The following AFG1L variants were observed in gnomAD, a reference collection of about 807,000 sequenced individuals.
AFG1L encodes AFG1 like ATPase.
Under a neutral mutation model 62.2 loss-of-function variants are expected in AFG1L, and 53 were observed. The observed-to-expected ratio is 0.85, with a 90% confidence interval of 0.68 to 1.07. The LOEUF is 1.07. Ranked by LOEUF, AFG1L falls within the 50% of genes least tolerant of loss-of-function variation. AFG1L has a pLI of 0.00. For synonymous variants in AFG1L, 228 were observed against 210.3 expected (o/e 1.08, Z -0.73); for missense variants, 555 against 590.5 (o/e 0.94, Z 0.62).
At chr6:108,449,246 G>A (rs1361921477) in intron 8 of AFG1L, among the ~76,000 whole-genome samples, 1 of 150,758 alleles carries the variant, frequency 6.6e-6, no homozygotes, top group Non-Finnish European at 1.5e-5. Context: ...TATATAGATA[G>A]ATAGATGTCT....
intron 2 of AFG1L, among the ~76,000 whole-genome samples, chr6:108,325,992 G>C (rs1470201056): frequency 6.6e-6 from 1 of 151,852 alleles, no homozygotes; most frequent in Non-Finnish European, 1.5e-5. Flanking sequence ...GGCCGGGCTT[G>C]TCTTGAACTC....
At chr6:108,466,884 T>A (rs987504594) in intron 8 of AFG1L, among the ~76,000 whole-genome samples, 2 of 151,518 alleles carry the variant, frequency 1.3e-5, no homozygotes, top group Non-Finnish European at 2.9e-5. Context: ...ACCGGTAAAA[T>A]GATAATAAAT....
At chr6:108,389,810 A>G (rs1780965721) in intron 6 of AFG1L, among the ~76,000 whole-genome samples, 1 of 151,766 alleles carries the variant, frequency 6.6e-6, no homozygotes, top group Admixed American at 6.6e-5. Flanking sequence ...TGCCTTTAAC[A>G]TTTTTTCCTT....
intron 6 of AFG1L, among the ~76,000 whole-genome samples, chr6:108,400,589 T>C (rs1781525828): frequency 7.3e-6 from 1 of 136,156 alleles, no homozygotes; most frequent in Admixed American, 8.2e-5. Flanking sequence ...TATTATAATA[T>C]ATAATTTATA....
At chr6:108,431,125 C>T (rs971009587) in intron 7 of AFG1L, among the ~76,000 whole-genome samples, 26 of 142,478 alleles carry the variant, frequency 1.8e-4, no homozygotes, top group Admixed American at 1.6e-3. Context: ...TTTTTGGAGG[C>T]GAAGTCTTGC....
intron 11 of AFG1L, among the ~76,000 whole-genome samples, chr6:108,512,806 A>G (rs991691075): frequency 1.3e-5 from 2 of 152,184 alleles, no homozygotes; most frequent in Non-Finnish European, 2.9e-5. Flanking sequence ...ACACATTTAG[A>G]GATTATACTT....
chr6:108,522,371 C>T lies in AFG1L; in HGVS notation c.1392C>T (p.Leu464=). 1 of 1,614,042 alleles carries T rather than the reference C, an allele frequency of 6.2e-7. No homozygotes were observed. The highest frequency in any genetic ancestry group is 1.1e-5 in the South Asian group (1 of 91,080). Residue 464 remains leucine, a synonymous_variant, in exon 13 of 13, where the codon CTC becomes CTT. Transcript: ENST00000368977. ...CATTTCAGCGCACAATTTCCCGACT[C>T]ACGGAAATGCAGACTGAACAGTACT... The part of the protein sequence containing the change: ...IFAFQRTISR[L]TEMQTEQYWN...
At chr6:108,461,201 A>G (rs1186282883) in intron 8 of AFG1L, among the ~76,000 whole-genome samples, 1 of 152,120 alleles carries the variant, frequency 6.6e-6, no homozygotes, top group Non-Finnish European at 1.5e-5. Flanking sequence ...TATGTTTTTG[A>G]TAAGTAGCTG....
At chr6:108,381,353 CT>C (rs74626961) in intron 6 of AFG1L, among the ~76,000 whole-genome samples, 3,431 of 142,594 alleles carry the variant, frequency 0.024, 112 homozygotes, top group African/African-American at 0.077. Context: ...TTTTACTTTT[CT>C]TTTTTTTTTT....
At chr6:108,443,066 A>C (rs1194336151) in intron 7 of AFG1L, among the ~76,000 whole-genome samples, 11 of 152,206 alleles carry the variant, frequency 7.2e-5, no homozygotes, top group Admixed American at 7.2e-4. Flanking sequence ...CTTGCTGCAT[A>C]ACAAATTACT....
At chr6:108,397,723 T>C (rs915512581) in intron 6 of AFG1L, among the ~76,000 whole-genome samples, 1 of 152,238 alleles carries the variant, frequency 6.6e-6, no homozygotes, top group African/African-American at 2.4e-5. Context: ...TTTGTCTTTC[T>C]GTGCCTGGCT....
At chr6:108,417,287 C>CAAAAAA (rs58714925) in intron 7 of AFG1L, among the ~76,000 whole-genome samples, 1 of 81,634 alleles carries the variant, frequency 1.2e-5, no homozygotes, top group African/African-American at 5.5e-5. Flanking sequence ...CACACACACA[C>CAAAAAA]AAAAAAAAAA....
intron 7 of AFG1L, among the ~76,000 whole-genome samples, chr6:108,444,140 G>T (rs529842119): frequency 6.6e-6 from 1 of 152,046 alleles, no homozygotes; most frequent in East Asian, 1.9e-4. Flanking sequence ...TCGAGGGTTT[G>T]GTTCTAGGCT....
intron 2 of AFG1L, among the ~76,000 whole-genome samples, chr6:108,326,493 C>T (rs1318182785): frequency 6.6e-6 from 1 of 152,184 alleles, no homozygotes; most frequent in Admixed American, 6.5e-5. Context: ...CCAATAGTCT[C>T]ATCTTTAAGT....
intron 6 of AFG1L, among the ~76,000 whole-genome samples, chr6:108,378,744 G>T (rs778570952): frequency 6.6e-5 from 10 of 152,056 alleles, no homozygotes; most frequent in Non-Finnish European, 1.3e-4. Context: ...CAGAATTCTT[G>T]TGCTGGTTCC....
At chr6:108,411,883 C>T (rs1181541840) in intron 7 of AFG1L, among the ~76,000 whole-genome samples, 1 of 152,224 alleles carries the variant, frequency 6.6e-6, no homozygotes. Flanking sequence ...TCCTCGCCAG[C>T]AACGGAACAA....
intron 7 of AFG1L, among the ~76,000 whole-genome samples, chr6:108,431,347 G>A (rs1002890216): frequency 6.6e-5 from 10 of 151,740 alleles, no homozygotes; most frequent in East Asian, 2.0e-4. Flanking sequence ...CAGGCGATCC[G>A]CCTGCCTCAG....
chr6:108,516,649 C>T (rs1275803313), intron 11 of AFG1L, among the ~76,000 whole-genome samples: 1 of 152,120 alleles, frequency 6.6e-6, no homozygotes, highest in Non-Finnish European at 1.5e-5. Context: ...AAGTTCTGGC[C>T]AGGGCAATCG....
chr6:108,301,384 C>T (rs1776993328), intron 1 of AFG1L, among the ~76,000 whole-genome samples: 1 of 152,194 alleles, frequency 6.6e-6, no homozygotes, highest in Admixed American at 6.5e-5. Context: ...TTTCCCCCCA[C>T]TCCCTTTTAC....
Sources: allele counts gnomAD v4.1 joint callset (sites outside exome capture counted in the v4.1 genomes callset), GRCh38; gene constraint gnomAD v4.1.1; transcripts MANE v1.5; gene names NCBI Gene and HGNC (gene_info 2026-07-23, HGNC 2026-07-21).